The following MYO1D variants were observed in gnomAD, a reference collection of about 807,000 sequenced individuals.
MYO1D encodes unconventional myosin-Id.
MYO1D carries 83 observed loss-of-function variants against 122.0 expected under a neutral mutation model. The ratio of observed to expected loss-of-function variants is 0.68; its 90% confidence interval spans 0.57 to 0.82. The LOEUF is 0.82. Among genes scored for constraint, MYO1D ranks in the 40% least tolerant of loss-of-function variants. The pLI is 0.00. For synonymous variants in MYO1D, 464 were observed against 446.9 expected, an observed-to-expected ratio of 1.04 and a Z score of -0.48; for missense variants, 1,157 against 1,269.5, an observed-to-expected ratio of 0.91 and a Z score of 1.35.
intron 1 of MYO1D, among the ~76,000 whole-genome samples, chr17:32,855,674 G>T (rs991341335): frequency 6.6e-6 from 1 of 152,108 alleles, no homozygotes; most frequent in Non-Finnish European, 1.5e-5. Flanking sequence ...TGCAGGTCTA[G>T]TATTATTTCT....
At chr17:32,519,152 C>G (rs1424198680) in intron 21 of MYO1D, 1 of 152,420 alleles carries the variant, frequency 6.6e-6, no homozygotes, top group Non-Finnish European at 1.5e-5. Flanking sequence ...TCTCCTAGCT[C>G]TGCTATGCGC....
intron 1 of MYO1D, among the ~76,000 whole-genome samples, chr17:32,843,640 G>C (rs1419905608): frequency 1.3e-5 from 2 of 152,184 alleles, no homozygotes; most frequent in African/African-American, 4.8e-5. Context: ...ATGGTTTACA[G>C]ATCCAGCTGA....
At chr17:32,854,662 A>G (rs1598157753) in intron 1 of MYO1D, among the ~76,000 whole-genome samples, 11 of 152,380 alleles carry the variant, frequency 7.2e-5, no homozygotes, top group Admixed American at 3.3e-4. Flanking sequence ...TTAACACAGT[A>G]AAAACATTTA....
chr17:32,767,053 T>C (rs1351970334), intron 7 of MYO1D, among the ~76,000 whole-genome samples: 1 of 152,244 alleles, frequency 6.6e-6, no homozygotes, highest in Non-Finnish European at 1.5e-5. Context: ...TTGTCATTCT[T>C]ATTGTAAGAT....
chr17:32,560,620 G>A (rs1254932929), intron 21 of MYO1D, among the ~76,000 whole-genome samples: 7 of 129,712 alleles, frequency 5.4e-5, no homozygotes, highest in Non-Finnish European at 1.1e-4. Flanking sequence ...AAGATTAGCC[G>A]GTGAATCTTT....
intron 14 of MYO1D, among the ~76,000 whole-genome samples, chr17:32,727,067 A>G (rs756074828): frequency 2.0e-5 from 3 of 152,254 alleles, no homozygotes; most frequent in Non-Finnish European, 4.4e-5. Context: ...AAAATGATAA[A>G]AAATACTTGC....
At chr17:32,697,341 T>C (rs1038101311) in intron 16 of MYO1D, among the ~76,000 whole-genome samples, 2 of 152,248 alleles carry the variant, frequency 1.3e-5, no homozygotes, top group Admixed American at 6.5e-5. Flanking sequence ...CACAGCATAC[T>C]GGAAAAATAC....
chr17:32,635,533 T>C (rs888746006), intron 20 of MYO1D, among the ~76,000 whole-genome samples: 4 of 151,832 alleles, frequency 2.6e-5, no homozygotes, highest in Admixed American at 2.6e-4. Context: ...CTACTAAAAA[T>C]ACAAAAAAAA....
intron 21 of MYO1D, 98 bp from the exon 22 acceptor site, chr17:32,495,013 C>T: frequency 7.2e-7 from 1 of 1,390,528 alleles, no homozygotes. Flanking sequence ...CCGGCGCAGC[C>T]TGCTTCCTCC....
chr17:32,555,498 T>C (rs1489422859), intron 21 of MYO1D, among the ~76,000 whole-genome samples: 1 of 152,078 alleles, frequency 6.6e-6, no homozygotes, highest in Non-Finnish European at 1.5e-5. Flanking sequence ...ACAAATAGAG[T>C]TACTTTGTTG....
intron 21 of MYO1D, among the ~76,000 whole-genome samples, chr17:32,543,468 C>T (rs896650439): frequency 1.7e-4 from 26 of 150,662 alleles, no homozygotes; most frequent in African/African-American, 4.9e-4. Flanking sequence ...CCCAGCTTCT[C>T]GGGAGGCTGA....
intron 1 of MYO1D, among the ~76,000 whole-genome samples, chr17:32,825,142 T>C (rs903647457): frequency 2.0e-5 from 3 of 152,224 alleles, no homozygotes; most frequent in Non-Finnish European, 4.4e-5. Flanking sequence ...ATATTAGAAA[T>C]AGTCGTTGAG....
intron 16 of MYO1D, among the ~76,000 whole-genome samples, chr17:32,694,199 T>C (rs1209998636): frequency 1.3e-5 from 2 of 152,218 alleles, no homozygotes. Context: ...CCTATTTTCA[T>C]TTCCATGATT....
intron 20 of MYO1D, among the ~76,000 whole-genome samples, chr17:32,612,696 C>CAAAAAAAAAAAA (rs1158470135): frequency 1.9e-5 from 2 of 104,614 alleles, no homozygotes; most frequent in African/African-American, 3.7e-5. Flanking sequence ...AAAAAAAAAA[C>CAAAAAAAAAAAA]AAAAAAAAAA....
At chr17:32,840,730 G>T (rs571581536) in intron 1 of MYO1D, among the ~76,000 whole-genome samples, 107 of 152,248 alleles carry the variant, frequency 7.0e-4, no homozygotes, top group African/African-American at 2.4e-3. Flanking sequence ...AGAGAAAGAT[G>T]ATTTCATTTC....
intron 21 of MYO1D, among the ~76,000 whole-genome samples, chr17:32,508,950 A>G (rs1909592225): frequency 6.6e-6 from 1 of 152,238 alleles, no homozygotes; most frequent in South Asian, 2.1e-4. Flanking sequence ...GATACAAAAT[A>G]GGAGTTCCAT....
At position 32,715,985 on chromosome 17, in the gene MYO1D, A is replaced by G. The variant is rs146256051; in HGVS notation, c.1914-3790T>C. On this transcript the variant is annotated intron_variant, in intron 15 of 21. Coordinates refer to ENST00000318217, the MANE Select transcript of MYO1D (RefSeq NM_015194.3). ...AAGGCAAGCCACCTTCTAGTTTACA[A>G]CAGACTCCTAAATTATTTTCCATTT... Among the ~76,000 whole-genome samples, 517 of 151,632 alleles carry G rather than the reference A, an allele frequency of 3.4e-3. 2 individuals are homozygous for G. Among genetic ancestry groups the G allele is most frequent in the Admixed American group, 6.4e-3 (97 of 15,214 alleles).
Position 32,762,806 on chromosome 17 carries a change from G to A in MYO1D, c.1035+2072C>T, listed in dbSNP as rs548655561. ...GGAGAATTGCTTGAACCCGGGAGGT[G>A]GAGGTTGCAGTGAGCTGAGATCATA... On this transcript the variant is annotated intron_variant, in intron 8 of 21. Coordinates refer to ENST00000318217, the MANE Select transcript of MYO1D (RefSeq NM_015194.3). 1.5e-4 allele frequency among the ~76,000 whole-genome samples: 23 copies of A among 150,420 alleles called. No homozygotes were observed. The East Asian group carries it at 4.1e-3, about 27-fold the overall frequency.
chr17:32,532,297 C>T (rs775426826), intron 21 of MYO1D, among the ~76,000 whole-genome samples: 13 of 152,304 alleles, frequency 8.5e-5, no homozygotes, highest in Middle Eastern at 3.4e-3. Flanking sequence ...TTATATCTGC[C>T]GCCTCAAGCA....
Sources: gnomAD v4.1 joint callset for allele counts (sites outside exome capture counted in the v4.1 genomes callset) on GRCh38, gnomAD v4.1.1 for gene constraint, MANE v1.5 for transcripts, NCBI Gene and HGNC (gene_info 2026-07-23, HGNC 2026-07-21) for gene names.